Variants in PRR5L observed in about 807,000 individuals in gnomAD.
The protein encoded by PRR5L is proline rich 5 like, also known as proline-rich protein 5-like.
PRR5L carries 21 observed loss-of-function variants against 36.4 expected under a neutral mutation model. That is an observed-to-expected ratio of 0.58 (90% CI 0.41 to 0.83). The LOEUF (loss-of-function observed/expected upper bound fraction) is 0.83, where lower values mean the gene tolerates loss of function less well. Among genes scored for constraint, PRR5L ranks in the 40% least tolerant of loss-of-function variants. The pLI, the probability that PRR5L is intolerant of heterozygous loss-of-function variation, is 0.00. For missense variants in PRR5L, 381 were observed against 473.3 expected, an observed-to-expected ratio of 0.80 and a Z score of 1.81; for synonymous variants, 188 against 197.0, an observed-to-expected ratio of 0.95 and a Z score of 0.38.
rs190683668 is a variant in PRR5L, at chr11:36,304,941, T to C, written c.-126+8503T>C. Reference sequence around the variant, plus strand: ...TGCTGCTGGTGGGAATATAAAATGATGCAGCTGCTTTGCAAACAGTCTGTG... The same window carrying C: ...TGCTGCTGGTGGGAATATAAAATGACGCAGCTGCTTTGCAAACAGTCTGTG... On this transcript the variant is annotated intron_variant, in intron 1 of 8. Transcript: ENST00000530639. Among the ~76,000 whole-genome samples, 56 of 152,328 alleles carry C rather than the reference T, an allele frequency of 3.7e-4. No homozygotes were observed. In the East Asian group the frequency reaches 9.8e-3, roughly 27 times the overall value.
At chr11:36,343,210 A>T (rs947675502) in intron 1 of PRR5L, among the ~76,000 whole-genome samples, 7 of 152,236 alleles carry the variant, frequency 4.6e-5, no homozygotes, top group Admixed American at 3.3e-4. Context: ...AATTGTTTCA[A>T]ATGTTAAAAA....
intron 1 of PRR5L, among the ~76,000 whole-genome samples, chr11:36,309,624 C>CATGATGGTGGTGGTGGTAGTGAGG (rs1856473931): frequency 1.2e-4 from 10 of 80,380 alleles, no homozygotes; most frequent in Admixed American, 5.3e-4. Context: ...TGGTAGTGAG[C>CATGATGGTGGTGGTGGTAGTGAGG]ATGATGGTGG....
At chr11:36,438,538 G>A (rs1858653116) in intron 6 of PRR5L, among the ~76,000 whole-genome samples, 1 of 152,188 alleles carries the variant, frequency 6.6e-6, no homozygotes, top group Non-Finnish European at 1.5e-5. Flanking sequence ...AGATAGTACA[G>A]ATAGAAGCTT....
rs1355436248 is a variant in PRR5L at position 36,465,122 on chromosome 11, T to C, written c.*2386T>C. The C allele has an allele frequency of 1.3e-5, 2 of 152,234 alleles. No homozygotes were observed. The highest frequency in any genetic ancestry group is 1.9e-4 in the East Asian group (1 of 5,202). The allele number at this position is 152,234 out of a possible 1,614,324, so 9.4% of individuals were successfully genotyped here. ...GACATTTGATGACAGGAAGCAATCA[T>C]GACTCTTCAAGTGAGCTCACAGAAA... On this transcript the variant is annotated 3_prime_UTR_variant, in exon 9 of 9. Transcript: ENST00000530639.
At chr11:36,442,743 A>G (rs10836562) in intron 6 of PRR5L, among the ~76,000 whole-genome samples, 96,484 of 151,980 alleles carry the variant, frequency 0.63, 31,059 homozygotes, top group Non-Finnish European at 0.68. Flanking sequence ...TTGCTAAGGC[A>G]TAAAAAGGGT....
At chr11:36,435,026 T>C (rs1858575776) in intron 5 of PRR5L, among the ~76,000 whole-genome samples, 1 of 152,078 alleles carries the variant, frequency 6.6e-6, no homozygotes, top group African/African-American at 2.4e-5. Context: ...CTCCTTCAGG[T>C]CAAGAGGGCC....
intron 1 of PRR5L, among the ~76,000 whole-genome samples, chr11:36,399,108 C>T (rs1857733068): frequency 1.3e-5 from 2 of 152,130 alleles, no homozygotes; most frequent in Non-Finnish European, 2.9e-5. Flanking sequence ...TCTTCATCAC[C>T]TCATTTTTTG....
At chr11:36,314,704 G>A (rs551206213) in intron 1 of PRR5L, among the ~76,000 whole-genome samples, 108 of 152,192 alleles carry the variant, frequency 7.1e-4, no homozygotes, top group African/African-American at 2.1e-3. Context: ...CATACACATC[G>A]CAGCCCAACG....
intron 3 of PRR5L, among the ~76,000 whole-genome samples, chr11:36,414,718 TA>T (rs765153823): frequency 4.7e-5 from 7 of 147,912 alleles, no homozygotes; most frequent in Admixed American, 6.7e-5. Context: ...TTAGTTTAAT[TA>T]GATCCCATTT....
At chr11:36,434,947 C>T (rs1464133737) in intron 5 of PRR5L, among the ~76,000 whole-genome samples, 6 of 152,130 alleles carry the variant, frequency 3.9e-5, no homozygotes, top group African/African-American at 4.8e-5. Context: ...CAATGAGCAT[C>T]CTGTCTTGGC....
intron 1 of PRR5L, among the ~76,000 whole-genome samples, chr11:36,310,221 A>G (rs918727908): frequency 6.6e-6 from 1 of 152,216 alleles, no homozygotes; most frequent in Non-Finnish European, 1.5e-5. Context: ...TTGCAAAAAT[A>G]GATTTTACCG....
intron 1 of PRR5L, among the ~76,000 whole-genome samples, chr11:36,343,389 T>C (rs1233040795): frequency 6.6e-6 from 1 of 152,196 alleles, no homozygotes; most frequent in Non-Finnish European, 1.5e-5. Flanking sequence ...ATCTAGCTAC[T>C]TAGAGGATTT....
intron 1 of PRR5L, among the ~76,000 whole-genome samples, chr11:36,300,649 GA>G (rs5791098): frequency 0.52 from 77,746 of 150,922 alleles, 21,540 homozygotes; most frequent in South Asian, 0.64. Flanking sequence ...CTATTTAAAA[GA>G]AAAAAAAAAT....
intron 1 of PRR5L, among the ~76,000 whole-genome samples, chr11:36,352,901 G>A (rs1346234224): frequency 6.6e-6 from 1 of 152,232 alleles, no homozygotes; most frequent in African/African-American, 2.4e-5. Flanking sequence ...GCACAGTCCT[G>A]TGGGTCACAT....
intron 1 of PRR5L, among the ~76,000 whole-genome samples, chr11:36,306,676 C>CTT (rs1356666681): frequency 6.6e-6 from 1 of 152,090 alleles, no homozygotes; most frequent in East Asian, 1.9e-4. Flanking sequence ...CTAATAAAGG[C>CTT]TTTACCAATG....
intron 1 of PRR5L, among the ~76,000 whole-genome samples, chr11:36,309,655 A>ATTGGGGATGT (rs1856476669): frequency 3.7e-5 from 1 of 27,056 alleles, no homozygotes; most frequent in Admixed American, 3.3e-4. Flanking sequence ...GGGGATGATG[A>ATTGGGGATGT]TGGTGGTGGT....
At chr11:36,445,798 TC>T (rs1564951645) in intron 6 of PRR5L, among the ~76,000 whole-genome samples, 2 of 152,168 alleles carry the variant, frequency 1.3e-5, no homozygotes, top group African/African-American at 4.8e-5. Context: ...CCCTACCCCA[TC>T]CCCACAATTG....
intron 1 of PRR5L, among the ~76,000 whole-genome samples, chr11:36,303,803 C>T (rs1856401978): frequency 6.6e-6 from 1 of 152,194 alleles, no homozygotes; most frequent in South Asian, 2.1e-4. Flanking sequence ...ACGAACAATA[C>T]ATGGTCATGT....
At chr11:36,351,691 T>TTATATATTTATA (rs1565409425) in intron 1 of PRR5L, among the ~76,000 whole-genome samples, 3 of 45,800 alleles carry the variant, frequency 6.6e-5, no homozygotes, top group African/African-American at 7.9e-5. Flanking sequence ...ATTTATATAT[T>TTATATATTTATA]TATATATTTA....
Sources: gnomAD v4.1 joint callset for allele counts (sites outside exome capture counted in the v4.1 genomes callset) on GRCh38, gnomAD v4.1.1 for gene constraint, MANE v1.5 for transcripts, NCBI Gene and HGNC (gene_info 2026-07-23, HGNC 2026-07-21) for gene names.